The following CYB5R4 variants were observed in gnomAD, a reference collection of about 807,000 sequenced individuals.
CYB5R4 encodes cytochrome b5 reductase 4, also known as N-terminal cytochrome b5 and cytochrome b5 oxidoreductase domain-containing protein.
A neutral mutation model predicts 70.2 loss-of-function variants in CYB5R4; 55 were observed. That is an observed-to-expected ratio of 0.78 (90% CI 0.63 to 0.98). The LOEUF is 0.98. Ranked by LOEUF, CYB5R4 falls within the 50% of genes least tolerant of loss-of-function variation. The pLI, the probability that CYB5R4 is intolerant of heterozygous loss-of-function variation, is 0.00. For missense variants in CYB5R4, 562 were observed against 612.6 expected (o/e 0.92, Z 0.87); for synonymous variants, 197 against 199.5 (o/e 0.99, Z 0.11).
chr6:83,923,804 G>A (rs2099466814), intron 9 of CYB5R4, among the ~76,000 whole-genome samples: 1 of 151,830 alleles, frequency 6.6e-6, no homozygotes, highest in Non-Finnish European at 1.5e-5. Context: ...CAGATTCTAA[G>A]GAATGTTAAC....
chr6:83,959,713 T>C, intron 15 of CYB5R4, 111 bp from the exon 16 acceptor site: 1 of 903,508 alleles, frequency 1.1e-6, no homozygotes, highest in South Asian at 1.7e-5. Context: ...AAAAACTACA[T>C]AGTGAATGGG....
intron 3 of CYB5R4, among the ~76,000 whole-genome samples, chr6:83,898,247 C>T (rs1310664887): frequency 6.6e-6 from 1 of 152,108 alleles, no homozygotes; most frequent in African/African-American, 2.4e-5. Flanking sequence ...TTGTTTTTGT[C>T]AGGTTTGTCA....
chr6:83,962,510 A>G lies in CYB5R4; in HGVS notation c.*2632A>G, dbSNP rs140012410. The G allele has an allele frequency of 6.6e-6, 1 of 152,194 alleles. No individual in the cohort carries two copies. 9.4% of individuals were successfully genotyped at this position (152,194 alleles called of 1,614,324 possible). A position where few individuals can be genotyped will look rare whatever the true frequency, so the allele number is the denominator to read the frequency against. On this transcript the variant is annotated 3_prime_UTR_variant, in exon 16 of 16. Coordinates refer to ENST00000369681, the MANE Select transcript of CYB5R4 (RefSeq NM_016230.4). Reference sequence around the variant, plus strand: ...TGCTTTTTTTAAAAAAAAGTTTATTAATTTTCTATTGCTGCTAGATCAAAT... The same window carrying G: ...TGCTTTTTTTAAAAAAAAGTTTATTGATTTTCTATTGCTGCTAGATCAAAT...
intron 2 of CYB5R4, among the ~76,000 whole-genome samples, chr6:83,871,808 CTT>C (rs1184003394): frequency 6.6e-6 from 1 of 151,704 alleles, no homozygotes; most frequent in East Asian, 1.9e-4. Context: ...TCTTTAATGT[CTT>C]TAAGTTCTAT....
intron 15 of CYB5R4, among the ~76,000 whole-genome samples, chr6:83,957,324 A>G (rs2099472570): frequency 1.3e-5 from 2 of 152,166 alleles, no homozygotes; most frequent in African/African-American, 4.8e-5. Context: ...CAATATAATA[A>G]TACTTTTAAA....
chr6:83,877,293 T>C (rs2099458725), intron 2 of CYB5R4, among the ~76,000 whole-genome samples: 1 of 152,202 alleles, frequency 6.6e-6, no homozygotes. Flanking sequence ...TGTCACCCTA[T>C]CGTCTAGTTT....
intron 11 of CYB5R4, 36 bp downstream of exon 11, chr6:83,934,771 C>G: frequency 2.6e-6 from 4 of 1,565,114 alleles, no homozygotes; most frequent in Non-Finnish European, 3.5e-6. Flanking sequence ...ACAATTTATT[C>G]TTTTATAAGC....
intron 1 of CYB5R4, among the ~76,000 whole-genome samples, chr6:83,861,511 C>T (rs2099455926): frequency 6.6e-6 from 1 of 152,220 alleles, no homozygotes; most frequent in Non-Finnish European, 1.5e-5. Context: ...GCCAGGGCCA[C>T]TGTCTTTGGA....
intron 15 of CYB5R4, among the ~76,000 whole-genome samples, chr6:83,955,728 G>T (rs550751111): frequency 6.6e-6 from 1 of 152,306 alleles, no homozygotes; most frequent in Non-Finnish European, 1.5e-5. Flanking sequence ...ACACTCACAA[G>T]ATTGGTGCCA....
In CYB5R4 at chr6:83,924,704, A is replaced by G. The variant is rs61763835; in HGVS notation, c.814+112A>G. Reference sequence around the variant, plus strand: ...TTGAAATGAGCTGAAGGGTCCTTGTATCTACTGCTAGGAAGTTTGAAAGGG... The same window carrying G: ...TTGAAATGAGCTGAAGGGTCCTTGTGTCTACTGCTAGGAAGTTTGAAAGGG... On this transcript the variant is annotated intron_variant, in intron 10 of 15. Coordinates refer to ENST00000369681, the MANE Select transcript of CYB5R4 (RefSeq NM_016230.4). 8.7e-4 allele frequency: 971 copies of G among 1,122,224 alleles called. 8 individuals are homozygous for G. In the African/African-American group the frequency reaches 0.014, roughly 16 times the overall value. The allele number at this position is 1,122,224 out of a possible 1,614,324, so 69.5% of individuals were successfully genotyped here. A position where few individuals can be genotyped will look rare whatever the true frequency, so the allele number is the denominator to read the frequency against.
intron 14 of CYB5R4, among the ~76,000 whole-genome samples, chr6:83,945,223 C>G (rs1399031711): frequency 6.6e-6 from 1 of 151,936 alleles, no homozygotes; most frequent in Middle Eastern, 3.2e-3. Context: ...ATAACGGTCT[C>G]CCAGACCACA....
intron 2 of CYB5R4, among the ~76,000 whole-genome samples, chr6:83,875,766 A>C (rs2099458433): frequency 6.6e-6 from 1 of 152,178 alleles, no homozygotes; most frequent in South Asian, 2.1e-4. Context: ...TAATTACTAC[A>C]TTTTGCAAGA....
chr6:83,880,663 A>G (rs1357074502), intron 2 of CYB5R4, among the ~76,000 whole-genome samples: 1 of 152,032 alleles, frequency 6.6e-6, no homozygotes, highest in South Asian at 2.1e-4. Context: ...TTAATTTTTT[A>G]TGCTTTTACT....
chr6:83,886,333 A>G lies in CYB5R4; in HGVS notation c.230-7189A>G, dbSNP rs190308518. Among the ~76,000 whole-genome samples, 468 of 152,330 alleles carry G rather than the reference A, an allele frequency of 3.1e-3. 4 individuals carry two copies. The highest frequency in any genetic ancestry group is 0.011 in the African/African-American group (449 of 41,568). On this transcript the variant is annotated intron_variant, in intron 2 of 15. Coordinates refer to ENST00000369681, the MANE Select transcript of CYB5R4 (RefSeq NM_016230.4). ...GCCACATTGGGGATTATATTTCCAC[A>G]TGAACTTTAGAGGGGACAAATATTT...
chr6:83,865,867 G>A (rs185782899), intron 2 of CYB5R4, among the ~76,000 whole-genome samples: 1 of 152,274 alleles, frequency 6.6e-6, no homozygotes, highest in Non-Finnish European at 1.5e-5. Flanking sequence ...GCTCCCCAAA[G>A]TTCCTCAGAG....
At chr6:83,901,277 T>C (rs1227049711) in intron 3 of CYB5R4, among the ~76,000 whole-genome samples, 1 of 152,244 alleles carries the variant, frequency 6.6e-6, no homozygotes, top group Non-Finnish European at 1.5e-5. Context: ...TCTTGAAGAA[T>C]GTTGAATATT....
intron 14 of CYB5R4, among the ~76,000 whole-genome samples, chr6:83,946,326 GTGA>G (rs1217586881): frequency 2.0e-5 from 3 of 152,052 alleles, no homozygotes; most frequent in African/African-American, 4.8e-5. Context: ...CAAAAACCAC[GTGA>G]TGATCTCAAT....
At chr6:83,889,236 C>T in intron 2 of CYB5R4, among the ~76,000 whole-genome samples, 1 of 152,210 alleles carries the variant, frequency 6.6e-6, no homozygotes, top group East Asian at 1.9e-4. Flanking sequence ...CGAAACAACA[C>T]ATTTTCCATG....
At chr6:83,938,056 TGTA>T (rs1318344724) in intron 12 of CYB5R4, among the ~76,000 whole-genome samples, 2 of 152,216 alleles carry the variant, frequency 1.3e-5, no homozygotes, top group African/African-American at 2.4e-5. Context: ...CTTTCTGAAA[TGTA>T]GTAGATATGA....
Sources: gnomAD v4.1 joint callset for allele counts (sites outside exome capture counted in the v4.1 genomes callset) on GRCh38, gnomAD v4.1.1 for gene constraint, MANE v1.5 for transcripts, NCBI Gene and HGNC (gene_info 2026-07-23, HGNC 2026-07-21) for gene names.